The following KCNIP4 variants were observed in gnomAD, a reference collection of about 807,000 sequenced individuals.
KCNIP4 encodes Kv channel-interacting protein 4.
In KCNIP4, 12 loss-of-function variants were observed where a neutral mutation model predicts 34.0. The ratio of observed to expected loss-of-function variants is 0.35; its 90% CI spans 0.23 to 0.57. KCNIP4 has a LOEUF of 0.57. Ranked by LOEUF, KCNIP4 falls within the 20% of genes least tolerant of loss-of-function variation. The probability of loss-of-function intolerance (pLI) is 0.83; values close to 1 mark genes in which losing one functional copy is unlikely to be tolerated. For missense variants in KCNIP4, 238 were observed against 311.7 expected, an observed-to-expected ratio of 0.76 and a Z score of 1.78; for synonymous variants, 124 against 102.2, an observed-to-expected ratio of 1.21 and a Z score of -1.29.
chr4:21,388,283 T>A (rs1414053618), intron 1 of KCNIP4, among the ~76,000 whole-genome samples: 5 of 149,894 alleles, frequency 3.3e-5, no homozygotes, highest in Admixed American at 2.0e-4. Flanking sequence ...TATGTAATAA[T>A]AAATATATAT....
At chr4:21,792,192 CT>C (rs1720340126) in intron 1 of KCNIP4, among the ~76,000 whole-genome samples, 1 of 125,520 alleles carries the variant, frequency 8.0e-6, no homozygotes, top group African/African-American at 6.0e-5. Context: ...TAAACCGTAT[CT>C]GTCTTATCCC....
At chr4:20,892,358 TCTGTCAG>T (rs1218557481) in intron 1 of KCNIP4, among the ~76,000 whole-genome samples, 1 of 152,228 alleles carries the variant, frequency 6.6e-6, no homozygotes, top group Admixed American at 6.5e-5. Context: ...AATGCTACTC[TCTGTCAG>T]CCTTTCCATC....
chr4:21,721,890 T>C (rs550984071), intron 1 of KCNIP4, among the ~76,000 whole-genome samples: 1 of 152,314 alleles, frequency 6.6e-6, no homozygotes, highest in South Asian at 2.1e-4. Context: ...CTCCAAATTA[T>C]ATGCTGTGTT....
At chr4:21,727,481 G>A (rs1715280190) in intron 1 of KCNIP4, among the ~76,000 whole-genome samples, 1 of 152,080 alleles carries the variant, frequency 6.6e-6, no homozygotes, top group Non-Finnish European at 1.5e-5. Context: ...TATCCAATCT[G>A]TGTTGTTTTG....
intron 1 of KCNIP4, among the ~76,000 whole-genome samples, chr4:21,776,789 G>A (rs1335279308): frequency 7.9e-5 from 12 of 151,940 alleles, no homozygotes; most frequent in Admixed American, 7.9e-4. Context: ...TATTTTTTGA[G>A]ACAGAGACTC....
At chr4:21,213,699 C>G (rs1378441703) in intron 1 of KCNIP4, among the ~76,000 whole-genome samples, 1 of 152,142 alleles carries the variant, frequency 6.6e-6, no homozygotes, top group Non-Finnish European at 1.5e-5. Context: ...ACCACCATAC[C>G]CAGCCCAAGT....
chr4:21,100,170 A>G (rs933607107), intron 1 of KCNIP4, among the ~76,000 whole-genome samples: 19 of 152,192 alleles, frequency 1.2e-4, no homozygotes, highest in Non-Finnish European at 2.9e-5. Flanking sequence ...TGCAAGTAAA[A>G]TGTTATCAGA....
intron 1 of KCNIP4, among the ~76,000 whole-genome samples, chr4:21,779,272 C>T (rs763726741): frequency 4.6e-5 from 7 of 152,006 alleles, no homozygotes; most frequent in Middle Eastern, 3.4e-3. Context: ...CAAAACAGGG[C>T]GGCAAGGATG....
intron 3 of KCNIP4, among the ~76,000 whole-genome samples, chr4:20,778,998 G>C (rs1367348671): frequency 2.0e-5 from 3 of 152,166 alleles, no homozygotes; most frequent in African/African-American, 4.8e-5. Flanking sequence ...AAGAGACAGG[G>C]AGGAGGAGGA....
At chr4:21,179,406 G>T (rs1754679236) in intron 1 of KCNIP4, among the ~76,000 whole-genome samples, 1 of 152,198 alleles carries the variant, frequency 6.6e-6, no homozygotes, top group Non-Finnish European at 1.5e-5. Context: ...TGTGTACAAA[G>T]ATTTTTGATC....
chr4:21,843,605 A>T (rs1723824740), intron 1 of KCNIP4: 1 of 152,028 alleles, frequency 6.6e-6, no homozygotes, highest in Non-Finnish European at 1.5e-5. Flanking sequence ...TACAGAGGAG[A>T]ATCTGAACCA....
At chr4:21,220,446 T>C (rs936075156) in intron 1 of KCNIP4, among the ~76,000 whole-genome samples, 5 of 152,064 alleles carry the variant, frequency 3.3e-5, no homozygotes, top group Admixed American at 2.6e-4. Context: ...CGTTAGGAGA[T>C]ATACCTAATG....
intron 1 of KCNIP4, among the ~76,000 whole-genome samples, chr4:21,654,806 C>T (rs1747793754): frequency 6.6e-6 from 1 of 152,096 alleles, no homozygotes; most frequent in South Asian, 2.1e-4. Context: ...CGCCTGTAGT[C>T]CCAGCTACTT....
rs557522875 is a variant in KCNIP4 at position 21,797,845 on chromosome 4, T to C, written c.61+150726A>G. ...ATGGTTTGATAGGATAGCTGCCAAA[T>C]TTACATGATAAACACTCTGGTAAGG... On this transcript the variant is annotated intron_variant, in intron 1 of 8. Transcript: ENST00000382152. Among the ~76,000 whole-genome samples, 60 of 152,276 alleles carry C rather than the reference T, an allele frequency of 3.9e-4. 1 individual carries two copies. The highest frequency in any genetic ancestry group is 3.9e-3 in the South Asian group (19 of 4,828).
chr4:21,256,342 C>A (rs1469808980), intron 1 of KCNIP4, among the ~76,000 whole-genome samples: 2 of 151,464 alleles, frequency 1.3e-5, no homozygotes, highest in East Asian at 3.9e-4. Context: ...TTTGGGGAGG[C>A]CCACATTCCG....
chr4:20,924,493 A>C (rs1384314933), intron 1 of KCNIP4, among the ~76,000 whole-genome samples: 1 of 152,188 alleles, frequency 6.6e-6, no homozygotes, highest in Admixed American at 6.5e-5. Context: ...AATATATTGC[A>C]ATATAAAAGT....
chr4:21,696,059 G>T (rs1446848865), intron 1 of KCNIP4, among the ~76,000 whole-genome samples: 1 of 152,052 alleles, frequency 6.6e-6, no homozygotes, highest in African/African-American at 2.4e-5. Context: ...ATTCCTTAAA[G>T]AATATCCAAA....
intron 1 of KCNIP4, among the ~76,000 whole-genome samples, chr4:20,940,524 G>T (rs1421185149): frequency 6.6e-6 from 1 of 152,124 alleles, no homozygotes; most frequent in Non-Finnish European, 1.5e-5. Context: ...AGAGATTGAT[G>T]AAATTCATGG....
chr4:21,832,588 T>C (rs891044545), intron 1 of KCNIP4, among the ~76,000 whole-genome samples: 2 of 54,518 alleles, frequency 3.7e-5, no homozygotes, highest in Non-Finnish European at 1.3e-4. Context: ...TTTTTTATTT[T>C]TTTTTTTATT....
Sources: allele counts gnomAD v4.1 joint callset (sites outside exome capture counted in the v4.1 genomes callset), GRCh38; gene constraint gnomAD v4.1.1; transcripts MANE v1.5; gene names NCBI Gene and HGNC (gene_info 2026-07-23, HGNC 2026-07-21).